DOP1A: variants seen among roughly 807,000 people sequenced by gnomAD.
The protein encoded by DOP1A is protein DOP1A.
A neutral mutation model predicts 267.6 loss-of-function variants in DOP1A; 90 were observed. The ratio of observed to expected loss-of-function variants is 0.34; its 90% CI spans 0.28 to 0.40. The LOEUF (loss-of-function observed/expected upper bound fraction) is 0.40. Ranked by LOEUF, DOP1A falls within the 10% of genes least tolerant of loss-of-function variation. DOP1A has a pLI of 1.00. For missense variants in DOP1A, 2,437 were observed against 2,900.4 expected, an observed-to-expected ratio of 0.84 and a Z score of 3.67; for synonymous variants, 932 against 999.1, an observed-to-expected ratio of 0.93 and a Z score of 1.27.
At chr6:83,102,299 A>T (rs1439529583) in intron 4 of DOP1A, among the ~76,000 whole-genome samples, 1 of 152,166 alleles carries the variant, frequency 6.6e-6, no homozygotes, top group Non-Finnish European at 1.5e-5. Context: ...CGGTGTACAC[A>T]GTCTGTTGTT....
At position 83,145,565 on chromosome 6, in the gene DOP1A, AT is replaced by A; in HGVS notation, c.5585del (p.Leu1862TrpfsTer8). 1 of 1,610,338 alleles carries A rather than the reference AT, an allele frequency of 6.2e-7. No individual in the cohort carries two copies. Among genetic ancestry groups the A allele is most frequent in the African/African-American group, 1.3e-5 (1 of 74,726 alleles). On this transcript the variant is annotated frameshift_variant, in exon 25 of 39. Coordinates refer to ENST00000349129, the MANE Select transcript of DOP1A (RefSeq NM_015018.4). LOFTEE classifies it high-confidence loss of function. ...ASEEQLLLVE[L>X]VRSISVMRAE... ...GTGAAGAACAGCTTTTATTAGTGGA[AT>A]TGGTTCGTTCAATCAGTGTCATGAG... is the stretch of plus-strand genomic sequence containing the variant.
chr6:83,089,311 T>C (rs978031456), intron 1 of DOP1A, among the ~76,000 whole-genome samples: 5 of 152,260 alleles, frequency 3.3e-5, no homozygotes, highest in African/African-American at 1.2e-4. Context: ...ATTTAAATTT[T>C]AGCTTTTTAT....
chr6:83,111,358 A>G (rs1215605988), intron 6 of DOP1A, among the ~76,000 whole-genome samples: 1 of 151,490 alleles, frequency 6.6e-6, no homozygotes, highest in Non-Finnish European at 1.5e-5. Context: ...TTTAGTATGG[A>G]CATGCGTTTT....
At chr6:83,078,000 A>C (rs1276967851) in intron 1 of DOP1A, among the ~76,000 whole-genome samples, 2 of 152,240 alleles carry the variant, frequency 1.3e-5, no homozygotes, top group African/African-American at 2.4e-5. Flanking sequence ...TGATTTAAAA[A>C]TTAGGTCAAA....
intron 1 of DOP1A, among the ~76,000 whole-genome samples, chr6:83,094,731 T>C (rs1771130723): frequency 1.3e-5 from 2 of 152,328 alleles, no homozygotes; most frequent in South Asian, 4.1e-4. Context: ...GAATTATTTG[T>C]CTTTTTATTA....
At chr6:83,114,419 G>A (rs1291934110) in intron 7 of DOP1A, among the ~76,000 whole-genome samples, 1 of 152,090 alleles carries the variant, frequency 6.6e-6, no homozygotes, top group East Asian at 1.9e-4. Flanking sequence ...TTATAGGGAT[G>A]GCCAAACAGC....
intron 12 of DOP1A, 146 bp downstream of exon 12, chr6:83,123,128 C>T (rs1457293801): frequency 1.0e-5 from 9 of 896,008 alleles, no homozygotes; most frequent in Non-Finnish European, 1.4e-5. Context: ...TCTGACTCTA[C>T]CTTGTCACAT....
intron 1 of DOP1A, among the ~76,000 whole-genome samples, chr6:83,081,064 T>G (rs1285804095): frequency 6.6e-6 from 1 of 152,122 alleles, no homozygotes; most frequent in Non-Finnish European, 1.5e-5. Flanking sequence ...ACAGACTGAC[T>G]AATGGAACAG....
intron 38 of DOP1A, chr6:83,166,019 G>A (rs1785429000): frequency 1.4e-5 from 4 of 288,304 alleles, no homozygotes; most frequent in Admixed American, 1.3e-4. Context: ...TTTCAGTCCA[G>A]CCACTGAGCT....
intron 1 of DOP1A, among the ~76,000 whole-genome samples, chr6:83,093,937 A>G (rs1228048732): frequency 6.6e-6 from 1 of 152,184 alleles, no homozygotes; most frequent in Non-Finnish European, 1.5e-5. Flanking sequence ...CAAAAAATAT[A>G]TATATAAAAT....
At chr6:83,128,771 C>T (rs1246187848) in intron 15 of DOP1A, 116 bp from the exon 16 acceptor site, 6 of 1,228,338 alleles carry the variant, frequency 4.9e-6, no homozygotes, top group Non-Finnish European at 6.5e-6. Flanking sequence ...TAAGAGTCAA[C>T]AGAATGGGCA....
At chr6:83,132,395 A>G in intron 18 of DOP1A, 67 bp downstream of exon 18, 1 of 1,442,200 alleles carries the variant, frequency 6.9e-7, no homozygotes, top group African/African-American at 1.4e-5. Context: ...AAATACTGAA[A>G]AGTAAGAAAA....
intron 4 of DOP1A, among the ~76,000 whole-genome samples, chr6:83,105,279 C>A (rs1337015796): frequency 1.4e-5 from 2 of 142,610 alleles, no homozygotes; most frequent in African/African-American, 5.2e-5. Flanking sequence ...ATACTCAATT[C>A]TTTGATATTT....
At chr6:83,097,970 C>T (rs1771819512) in intron 3 of DOP1A, among the ~76,000 whole-genome samples, 1 of 151,806 alleles carries the variant, frequency 6.6e-6, no homozygotes, top group Non-Finnish European at 1.5e-5. Flanking sequence ...ATGATTATAG[C>T]TCATTGCAGA....
At chr6:83,127,723 T>A (rs940171470) in intron 15 of DOP1A, among the ~76,000 whole-genome samples, 1 of 152,092 alleles carries the variant, frequency 6.6e-6, no homozygotes, top group Non-Finnish European at 1.5e-5. Context: ...GGATTAGCAA[T>A]ATATTTAGGA....
In DOP1A at chr6:83,072,306, G is replaced by A. The variant is rs1430157196; in HGVS notation, c.-147+4527G>A. On this transcript the variant is annotated intron_variant, in intron 1 of 38. Coordinates refer to ENST00000349129, the MANE Select transcript of DOP1A (RefSeq NM_015018.4). ...ATAGACCCTTTCATTTGGTGTTAAC[G>A]GTTTCCAAAAAAAAAAAATTAACCT... 2.0e-5 allele frequency among the ~76,000 whole-genome samples: 3 copies of A among 151,490 alleles called. No homozygotes were observed. In the East Asian group the frequency reaches 5.8e-4, roughly 29 times the overall value.
At chr6:83,120,910 C>A in intron 10 of DOP1A, 119 bp downstream of exon 10, 1 of 666,424 alleles carries the variant, frequency 1.5e-6, no homozygotes, top group African/African-American at 1.8e-5. Flanking sequence ...TATAAGTTCT[C>A]AACAATTTCT....
chr6:83,166,616 G>T, intron 38 of DOP1A: 1 of 760,228 alleles, frequency 1.3e-6, no homozygotes, highest in Non-Finnish European at 1.9e-6. Context: ...ATTTATTTAA[G>T]AATGTACTCC....
In DOP1A at chr6:83,132,301, A is replaced by T. The variant is rs760273583; in HGVS notation, c.2742A>T (p.Ile914=). The change falls in exon 18 of 39, where the codon ATA becomes ATT. Residue 914 remains isoleucine, a synonymous_variant. Coordinates refer to ENST00000349129, the MANE Select transcript of DOP1A (RefSeq NM_015018.4). ...CTTCTAGCATCTGTGAGGATGTTAT[A>T]AGTCAGCAGTTAACCCATAAAGATA... ...VPSSSICEDV[I]SQQLTHKDKK... 1.2e-6 allele frequency: 2 copies of T among 1,612,238 alleles called. No homozygotes were observed. The highest frequency in any genetic ancestry group is 3.3e-5 in the Admixed American group (2 of 59,880).
Sources: allele counts gnomAD v4.1 joint callset (sites outside exome capture counted in the v4.1 genomes callset), GRCh38; gene constraint gnomAD v4.1.1; transcripts MANE v1.5; gene names NCBI Gene and HGNC (gene_info 2026-07-23, HGNC 2026-07-21).